Variants in SPAG9 observed in about 807,000 individuals in gnomAD.
SPAG9 encodes C-Jun-amino-terminal kinase-interacting protein 4.
Under a neutral mutation model 166.5 loss-of-function variants are expected in SPAG9, and 35 were observed. That is an observed-to-expected ratio of 0.21 (90% CI 0.16 to 0.28). The LOEUF is 0.28. Among genes scored for constraint, SPAG9 ranks in the 10% least tolerant of loss-of-function variants. The pLI is 1.00. For synonymous variants in SPAG9, 534 were observed against 565.5 expected (o/e 0.94, Z 0.79); for missense variants, 1,235 against 1,603.3 (o/e 0.77, Z 3.92).
rs573996444 is a variant in SPAG9, at chr17:50,993,683, C to T, written c.2398+81G>A. On this transcript the variant is annotated intron_variant, in intron 19 of 29. Transcript: ENST00000262013. ...AGCTTCATGACAGCAAGGTGCAGAA[C>T]TGCATCTTCAGCTGCTACATCAGTG... The T allele has an allele frequency of 1.5e-4, 212 of 1,395,962 alleles. 3 individuals are homozygous for T. In the South Asian group the frequency reaches 2.6e-3, roughly 17 times the overall value. 86.5% of individuals were successfully genotyped at this position (1,395,962 alleles called of 1,614,324 possible).
intron 3 of SPAG9, among the ~76,000 whole-genome samples, chr17:51,050,519 C>A (rs2047150209): frequency 6.6e-6 from 1 of 152,162 alleles, no homozygotes; most frequent in Non-Finnish European, 1.5e-5. Context: ...AGGACTCAGG[C>A]CGCCTTTGTA....
At chr17:51,023,741 T>C (rs1326788457) in intron 6 of SPAG9, among the ~76,000 whole-genome samples, 1 of 152,200 alleles carries the variant, frequency 6.6e-6, no homozygotes, top group African/African-American at 2.4e-5. Context: ...CTCAGCTCAA[T>C]GCAACCTCCA....
chr17:51,029,020 A>G (rs1351339744), intron 6 of SPAG9, among the ~76,000 whole-genome samples: 1 of 152,174 alleles, frequency 6.6e-6, no homozygotes, highest in Non-Finnish European at 1.5e-5. Context: ...GTCTCTTTCT[A>G]ACATATTTAT....
chr17:51,035,207 G>A (rs2046539960), intron 5 of SPAG9, among the ~76,000 whole-genome samples: 1 of 152,146 alleles, frequency 6.6e-6, no homozygotes, highest in African/African-American at 2.4e-5. Flanking sequence ...AGGGAAAAAG[G>A]ATATTAGTGG....
chr17:51,037,815 C>T (rs1460393887), intron 5 of SPAG9, among the ~76,000 whole-genome samples: 1 of 150,868 alleles, frequency 6.6e-6, no homozygotes, highest in Non-Finnish European at 1.5e-5. Flanking sequence ...ATCCTCCTGC[C>T]TTGGCCTCCC....
At chr17:51,104,869 C>T (rs2048901075) in intron 1 of SPAG9, among the ~76,000 whole-genome samples, 1 of 147,210 alleles carries the variant, frequency 6.8e-6, no homozygotes. Context: ...GGAGGCGGAG[C>T]TTGCAGTGAG....
chr17:51,102,026 T>C (rs1025618919), intron 1 of SPAG9, among the ~76,000 whole-genome samples: 2 of 152,156 alleles, frequency 1.3e-5, no homozygotes. Flanking sequence ...TCTTCAGAAA[T>C]AAATGTTGTT....
intron 10 of SPAG9, 44 bp from the exon 11 acceptor site, chr17:51,006,281 C>A: frequency 3.2e-6 from 5 of 1,576,134 alleles, no homozygotes; most frequent in African/African-American, 1.3e-5. Context: ...AATAAATATT[C>A]TTTCCATCTT....
intron 3 of SPAG9, among the ~76,000 whole-genome samples, chr17:51,047,752 A>G (rs923403532): frequency 6.6e-6 from 1 of 151,826 alleles, no homozygotes; most frequent in Admixed American, 6.6e-5. Context: ...TGCTATTAAA[A>G]TAATATTGAT....
At position 50,974,752 on chromosome 17, in the gene SPAG9, A is replaced by G. The variant is rs1974096822; in HGVS notation, c.3700+19T>C. ...AGAGACAATTACATGGAACATCTCA[A>G]CAGAATAATCTAACATACCTGGGAC... is the stretch of plus-strand genomic sequence containing the variant. On this transcript the variant is annotated intron_variant, in intron 28 of 29. Transcript: ENST00000262013. 3.8e-6 allele frequency: 6 copies of G among 1,580,970 alleles called. No homozygotes were observed. The highest frequency in any genetic ancestry group is 5.1e-6 in the Non-Finnish European group (6 of 1,166,820).
intron 9 of SPAG9, among the ~76,000 whole-genome samples, chr17:51,008,399 A>G (rs532188347): frequency 6.6e-6 from 1 of 151,912 alleles, no homozygotes; most frequent in African/African-American, 2.4e-5. Context: ...AACAAAAAAA[A>G]CCCACCAGTC....
chr17:50,970,629 T>G (rs1056593047), intron 29 of SPAG9, 78 bp downstream of exon 29: 5 of 1,185,658 alleles, frequency 4.2e-6, no homozygotes, highest in Non-Finnish European at 5.9e-6. Context: ...ATTATCAGAG[T>G]GGTTTCTTAT....
intron 2 of SPAG9, among the ~76,000 whole-genome samples, chr17:51,058,355 C>T (rs1257217444): frequency 1.3e-5 from 2 of 152,126 alleles, no homozygotes; most frequent in African/African-American, 2.4e-5. Context: ...ATTAACCTTA[C>T]GATGAAAGTA....
intron 6 of SPAG9, among the ~76,000 whole-genome samples, chr17:51,029,360 T>C (rs551117795): frequency 2.0e-5 from 3 of 152,200 alleles, no homozygotes; most frequent in African/African-American, 7.2e-5. Context: ...GCATTGTTGG[T>C]AGGATTGTAA....
chr17:51,066,017 G>A (rs947817257), intron 2 of SPAG9, among the ~76,000 whole-genome samples: 2 of 152,104 alleles, frequency 1.3e-5, no homozygotes, highest in East Asian at 3.9e-4. Context: ...AGCAACTACA[G>A]TTAGCTTAAC....
chr17:50,999,396 G>T, intron 14 of SPAG9: 2 of 1,093,368 alleles, frequency 1.8e-6, no homozygotes, highest in Non-Finnish European at 2.5e-6. Context: ...ATTTAAATTT[G>T]GCAGAGGATT....
At position 50,979,621 on chromosome 17, in the gene SPAG9, A is replaced by C. The variant is rs1233489470; in HGVS notation, c.3409+125T>G. 6.0e-6 allele frequency: 5 copies of C among 836,372 alleles called. No homozygotes were observed. In the Admixed American group the frequency reaches 1.1e-4, roughly 19 times the overall value. The allele number at this position is 836,372 out of a possible 1,614,324, so 51.8% of individuals were successfully genotyped here. On this transcript the variant is annotated intron_variant, in intron 26 of 29. Transcript: ENST00000262013. ...CAAGGCTATAGTGTGCTATGACTGCACCTGTGCATAGCCACTGCACTCCAT... is the reference window on the plus strand; with the variant it reads ...CAAGGCTATAGTGTGCTATGACTGCCCCTGTGCATAGCCACTGCACTCCAT...
At chr17:51,041,452 A>T in intron 5 of SPAG9, 49 bp downstream of exon 5, 1 of 1,554,904 alleles carries the variant, frequency 6.4e-7, no homozygotes, top group Non-Finnish European at 8.8e-7. Context: ...TTAGGATAAG[A>T]AAGTTTATGA....
At chr17:51,109,731 T>G (rs529974739) in intron 1 of SPAG9, among the ~76,000 whole-genome samples, 2 of 152,138 alleles carry the variant, frequency 1.3e-5, no homozygotes, top group African/African-American at 4.8e-5. Flanking sequence ...CTTTTCTTTT[T>G]GACAGAGTCT....
Sources: gnomAD v4.1 joint callset for allele counts (sites outside exome capture counted in the v4.1 genomes callset) on GRCh38, gnomAD v4.1.1 for gene constraint, MANE v1.5 for transcripts, NCBI Gene and HGNC (gene_info 2026-07-23, HGNC 2026-07-21) for gene names.